KCNH1: variants seen among roughly 807,000 people sequenced by gnomAD.
KCNH1 encodes potassium voltage-gated channel subfamily H member 1, also known as voltage-gated delayed rectifier potassium channel KCNH1.
Under a neutral mutation model 69.2 loss-of-function variants are expected in KCNH1, and 27 were observed. That is an observed-to-expected ratio of 0.39 (90% CI 0.29 to 0.54). The LOEUF is 0.54. Ranked by LOEUF, KCNH1 falls within the 20% of genes least tolerant of loss-of-function variation. The probability of loss-of-function intolerance (pLI) is 0.68; values close to 1 mark genes in which losing one functional copy is unlikely to be tolerated. For missense variants in KCNH1, 798 were observed against 1,261.6 expected, an observed-to-expected ratio of 0.63 and a Z score of 5.57; for synonymous variants, 456 against 487.7, an observed-to-expected ratio of 0.93 and a Z score of 0.86.
chr1:210,913,714 G>C (rs1687281137), intron 7 of KCNH1, among the ~76,000 whole-genome samples: 1 of 152,154 alleles, frequency 6.6e-6, no homozygotes, highest in Admixed American at 6.6e-5. Flanking sequence ...AGACTATGGG[G>C]AGAAGAAGGA....
At chr1:210,946,485 G>A (rs181316143) in intron 6 of KCNH1, among the ~76,000 whole-genome samples, 4 of 152,220 alleles carry the variant, frequency 2.6e-5, no homozygotes, top group East Asian at 1.9e-4. Flanking sequence ...GATACTCCTC[G>A]TTCTAGAAAC....
intron 7 of KCNH1, among the ~76,000 whole-genome samples, chr1:210,916,735 G>T (rs1340522380): frequency 6.6e-6 from 1 of 152,170 alleles, no homozygotes; most frequent in African/African-American, 2.4e-5. Context: ...AGAGTATTTG[G>T]CACAGTGTCT....
At chr1:210,790,060 C>T (rs1684183403) in intron 9 of KCNH1, among the ~76,000 whole-genome samples, 1 of 152,204 alleles carries the variant, frequency 6.6e-6, no homozygotes, top group South Asian at 2.1e-4. Flanking sequence ...TAGCTGGGGC[C>T]ATGGGCAGAA....
intron 10 of KCNH1, among the ~76,000 whole-genome samples, chr1:210,754,140 C>T (rs1023507458): frequency 2.0e-5 from 3 of 151,840 alleles, no homozygotes; most frequent in South Asian, 2.1e-4. Context: ...AGGATGGTCT[C>T]GATCTGCTGA....
At chr1:210,996,254 C>T (rs1014304196) in intron 6 of KCNH1, among the ~76,000 whole-genome samples, 13 of 152,130 alleles carry the variant, frequency 8.5e-5, no homozygotes, top group Non-Finnish European at 1.3e-4. Flanking sequence ...GGGTGACAGA[C>T]AGCACCTGGA....
intron 7 of KCNH1, among the ~76,000 whole-genome samples, chr1:210,806,946 G>A (rs1412663693): frequency 6.9e-6 from 1 of 143,898 alleles, no homozygotes; most frequent in African/African-American, 2.6e-5. Context: ...GGCAGAGTTT[G>A]CAGTGAGCCA....
intron 6 of KCNH1, among the ~76,000 whole-genome samples, chr1:210,995,729 C>T (rs1406550226): frequency 6.6e-6 from 1 of 152,160 alleles, no homozygotes; most frequent in African/African-American, 2.4e-5. Context: ...CAACTCAGGT[C>T]AGGTATCTTC....
intron 7 of KCNH1, among the ~76,000 whole-genome samples, chr1:210,904,331 T>C (rs1274880503): frequency 6.6e-6 from 1 of 152,032 alleles, no homozygotes; most frequent in Non-Finnish European, 1.5e-5. Flanking sequence ...TTGGGCTCTG[T>C]CCCCACTGAC....
chr1:210,853,946 C>CAAAAAAAAAAA (rs11445997), intron 7 of KCNH1, among the ~76,000 whole-genome samples: 2,450 of 61,154 alleles, frequency 0.04, 328 homozygotes, highest in African/African-American at 0.089. Context: ...TTATCTAAGC[C>CAAAAAAAAAAA]AAAAAAAAAA....
chr1:210,886,531 T>C (rs1338694214), intron 7 of KCNH1, among the ~76,000 whole-genome samples: 1 of 151,794 alleles, frequency 6.6e-6, no homozygotes, highest in Non-Finnish European at 1.5e-5. Context: ...GGAACAAAAC[T>C]GGATGGAGAA....
chr1:210,759,567 T>A (rs1057507093), intron 10 of KCNH1, among the ~76,000 whole-genome samples: 3 of 152,008 alleles, frequency 2.0e-5, no homozygotes, highest in Non-Finnish European at 4.4e-5. Flanking sequence ...AAGAAAGTAT[T>A]TCAGAACTCT....
rs1687414346 is a variant in KCNH1 at position 210,919,424 on chromosome 1, C to T, written c.1462+216G>A. On this transcript the variant is annotated intron_variant, in intron 7 of 10. Transcript: ENST00000271751. This position sits in a 1 kb window ranked among gnomAD's most constrained non-coding sequence, Gnocchi z 4.2. The stretch of plus-strand genomic sequence containing the variant: ...TCTGAAAAGCAGAATTATGGATAGT[C>T]TTTACTTTCTACTTTGCACTCTTTT... The T allele has an allele frequency of 3.6e-6, 2 of 555,842 alleles. No individual in the cohort carries two copies. The highest frequency in any genetic ancestry group is 3.1e-5 in the Admixed American group (1 of 32,394). 34.4% of individuals were successfully genotyped at this position (555,842 alleles called of 1,614,324 possible). A position where few individuals can be genotyped will look rare whatever the true frequency, so the allele number is the denominator to read the frequency against.
intron 7 of KCNH1, among the ~76,000 whole-genome samples, chr1:210,845,969 C>T (rs1351436255): frequency 2.6e-5 from 4 of 152,182 alleles, no homozygotes; most frequent in Non-Finnish European, 5.9e-5. Context: ...TGAGTGAACT[C>T]CCATTCACAA....
chr1:210,889,224 T>C (rs1054654267), intron 7 of KCNH1, among the ~76,000 whole-genome samples: 2 of 152,178 alleles, frequency 1.3e-5, no homozygotes, highest in Non-Finnish European at 2.9e-5. Flanking sequence ...GTCAGCTTCA[T>C]CCCTGGGATG....
intron 5 of KCNH1, among the ~76,000 whole-genome samples, chr1:211,041,361 A>C (rs1046611605): frequency 6.6e-6 from 1 of 152,166 alleles, no homozygotes; most frequent in African/African-American, 2.4e-5. Context: ...AAAGATGTGC[A>C]GCTTAGCTCC....
At chr1:210,864,821 T>C (rs1686069027) in intron 7 of KCNH1, among the ~76,000 whole-genome samples, 1 of 152,212 alleles carries the variant, frequency 6.6e-6, no homozygotes, top group Admixed American at 6.5e-5. Context: ...ATTCAAAGAC[T>C]GGGATGACTT....
chr1:210,898,758 G>A (rs1272199963), intron 7 of KCNH1, among the ~76,000 whole-genome samples: 1 of 152,032 alleles, frequency 6.6e-6, no homozygotes, highest in African/African-American at 2.4e-5. Context: ...CCAGGTCTAA[G>A]CGACTCCAAA....
intron 6 of KCNH1, among the ~76,000 whole-genome samples, chr1:210,939,222 T>C (rs956831409): frequency 2.1e-4 from 32 of 152,140 alleles, no homozygotes; most frequent in African/African-American, 6.3e-4. Context: ...CCTTGACCTT[T>C]TGGAACTTTC....
At chr1:210,780,083 A>G (rs2102377732) in intron 9 of KCNH1, among the ~76,000 whole-genome samples, 1 of 152,324 alleles carries the variant, frequency 6.6e-6, no homozygotes, top group East Asian at 1.9e-4. Flanking sequence ...AAATGGGATT[A>G]CCAGGGTGAA....
Sources: gnomAD v4.1 joint callset for allele counts (sites outside exome capture counted in the v4.1 genomes callset) on GRCh38, gnomAD v4.1.1 for gene constraint, Gnocchi (gnomAD v3.1) non-coding constraint, MANE v1.5 for transcripts, NCBI Gene and HGNC (gene_info 2026-07-23, HGNC 2026-07-21) for gene names.